Variants in CAT observed in about 807,000 individuals in gnomAD.
CAT encodes epididymis secretory sperm binding protein.
A neutral mutation model predicts 59.0 loss-of-function variants in CAT; 43 were observed. The ratio of observed to expected loss-of-function variants is 0.73; its 90% CI spans 0.57 to 0.94. The LOEUF is 0.94. Among genes scored for constraint, CAT ranks in the 40% least tolerant of loss-of-function variants. The probability of loss-of-function intolerance (pLI) is 0.00; values close to 1 mark genes in which losing one functional copy is unlikely to be tolerated. For synonymous variants in CAT, 218 were observed against 230.9 expected, an observed-to-expected ratio of 0.94 and a Z score of 0.51; for missense variants, 664 against 682.9, an observed-to-expected ratio of 0.97 and a Z score of 0.31.
chr11:34,470,095 G>A (rs1590311434), intron 11 of CAT, among the ~76,000 whole-genome samples: 1 of 152,042 alleles, frequency 6.6e-6, no homozygotes, highest in East Asian at 1.9e-4. Context: ...AAAGATTTAG[G>A]GGTCATTTCC....
intron 11 of CAT, 168 bp from the exon 12 acceptor site, chr11:34,470,790 G>C: frequency 1.4e-6 from 1 of 725,332 alleles, no homozygotes; most frequent in Non-Finnish European, 2.5e-6. Flanking sequence ...GTGTTCACTG[G>C]ACCTGCATCT....
chr11:34,449,519 A>T (rs17884086), intron 2 of CAT, among the ~76,000 whole-genome samples, 156 bp downstream of exon 2: 2 of 152,318 alleles, frequency 1.3e-5, no homozygotes, highest in Non-Finnish European at 2.9e-5. Flanking sequence ...TAGTAAATAA[A>T]TGATGGTTAT....
At chr11:34,444,819 C>T (rs1209321832) in intron 1 of CAT, among the ~76,000 whole-genome samples, 1 of 152,124 alleles carries the variant, frequency 6.6e-6, no homozygotes, top group Middle Eastern at 3.2e-3. Context: ...TTAGCTCTGG[C>T]CAAAAGAAGC....
chr11:34,461,456 C>G, intron 9 of CAT, 67 bp downstream of exon 9: 1 of 1,576,658 alleles, frequency 6.3e-7, no homozygotes. Flanking sequence ...GGGCGGGAGG[C>G]CAGGCCAGTG....
At chr11:34,444,506 G>C (rs912671401) in intron 1 of CAT, among the ~76,000 whole-genome samples, 3 of 152,132 alleles carry the variant, frequency 2.0e-5, no homozygotes, top group Non-Finnish European at 4.4e-5. Context: ...CTGTACGTGG[G>C]TGTATACGTT....
intron 5 of CAT, 67 bp from the exon 6 acceptor site, chr11:34,453,734 A>G (rs1856556667): frequency 6.8e-7 from 1 of 1,472,088 alleles, no homozygotes; most frequent in East Asian, 2.3e-5. Flanking sequence ...ACTAAGGAAT[A>G]TCTTAAAAAT....
intron 1 of CAT, among the ~76,000 whole-genome samples, chr11:34,447,906 C>T (rs997574253): frequency 2.0e-5 from 3 of 152,164 alleles, no homozygotes; most frequent in Non-Finnish European, 4.4e-5. Context: ...GGAAGTTGGA[C>T]CCAGGCTCTA....
intron 12 of CAT, 65 bp downstream of exon 12, chr11:34,471,106 G>C (rs1856768467): frequency 7.5e-7 from 1 of 1,338,922 alleles, no homozygotes; most frequent in South Asian, 1.2e-5. Context: ...GCATGACTTA[G>C]TTACCACTTA....
At chr11:34,455,916 G>T (rs1856581750) in intron 6 of CAT, 95 bp from the exon 7 acceptor site, 1 of 945,112 alleles carries the variant, frequency 1.1e-6, no homozygotes, top group Non-Finnish European at 1.7e-6. Flanking sequence ...CATTCTTTGG[G>T]CAGTGTTACT....
chr11:34,462,710 G>A (rs779478649), intron 9 of CAT, among the ~76,000 whole-genome samples: 18 of 152,152 alleles, frequency 1.2e-4, no homozygotes, highest in Non-Finnish European at 2.1e-4. Context: ...GAGCCACCGC[G>A]CCTGGCTTGA....
At chr11:34,455,929 T>A in intron 6 of CAT, 82 bp from the exon 7 acceptor site, 1 of 1,171,506 alleles carries the variant, frequency 8.5e-7, no homozygotes, top group East Asian at 2.3e-5. Flanking sequence ...GTGTTACTCA[T>A]AATCCTTCAA....
At chr11:34,439,127 G>C (rs912618928) in intron 1 of CAT, 48 bp downstream of exon 1, 1 of 1,527,314 alleles carries the variant, frequency 6.5e-7, no homozygotes, top group Non-Finnish European at 8.9e-7. Flanking sequence ...TTTAGAAAGC[G>C]GGGGCGTCGG....
chr11:34,451,219 A>C, intron 3 of CAT, 121 bp downstream of exon 3: 2 of 745,136 alleles, frequency 2.7e-6, no homozygotes, highest in Non-Finnish European at 5.0e-6. Context: ...AAATTATGTC[A>C]AGGTTTTACA....
At chr11:34,453,770 A>G (rs1232084063) in intron 5 of CAT, 31 bp from the exon 6 acceptor site, 2 of 1,605,270 alleles carry the variant, frequency 1.2e-6, no homozygotes, top group African/African-American at 2.7e-5. Context: ...TTAAATGAAA[A>G]CATTTTAGGC....
rs1400182588 is a variant in CAT at position 34,456,756 on chromosome 11, T to C, written c.995T>C (p.Ile332Thr). ...PVNYFAEVEQIAFDPSNMPPG... is the reference protein window; with the variant it reads ...PVNYFAEVEQTAFDPSNMPPG... ...AATTACTTTGCTGAGGTTGAACAGATAGCCTTCGACCCAAGCAACATGCCA... is the reference window on the plus strand; with the variant it reads ...AATTACTTTGCTGAGGTTGAACAGACAGCCTTCGACCCAAGCAACATGCCA... The change falls in exon 8 of 13, where the codon ATA becomes ACA. Residue 332 changes from isoleucine to threonine, a missense_variant. Coordinates refer to ENST00000241052, the MANE Select transcript of CAT (RefSeq NM_001752.4). 1.9e-6 allele frequency: 3 copies of C among 1,614,062 alleles called. No homozygotes were observed. The East Asian group carries it at 6.7e-5, about 36-fold the overall frequency.
chr11:34,466,298 T>C (rs986017024), intron 10 of CAT, among the ~76,000 whole-genome samples: 1 of 152,190 alleles, frequency 6.6e-6, no homozygotes, highest in South Asian at 2.1e-4. Flanking sequence ...ATTCTAGACC[T>C]TTTTATATGG....
chr11:34,470,833 A>G (rs1286000832), intron 11 of CAT, 125 bp from the exon 12 acceptor site: 4 of 811,576 alleles, frequency 4.9e-6, no homozygotes, highest in Non-Finnish European at 6.6e-6. Context: ...AAACACCTGT[A>G]GTACTGCCTC....
chr11:34,450,395 T>C (rs1305558999), intron 2 of CAT, among the ~76,000 whole-genome samples: 1 of 152,196 alleles, frequency 6.6e-6, no homozygotes, highest in African/African-American at 2.4e-5. Context: ...GGGGGTGGTA[T>C]TTGAAAGAAA....
intron 11 of CAT, among the ~76,000 whole-genome samples, chr11:34,470,395 G>A (rs1161796619): frequency 1.3e-5 from 2 of 152,056 alleles, no homozygotes; most frequent in Non-Finnish European, 1.5e-5. Context: ...TGCCAGTTGT[G>A]GGTTTTTCTG....
Sources: gnomAD v4.1 joint callset for allele counts (sites outside exome capture counted in the v4.1 genomes callset) on GRCh38, gnomAD v4.1.1 for gene constraint, MANE v1.5 for transcripts, NCBI Gene and HGNC (gene_info 2026-07-23, HGNC 2026-07-21) for gene names.